TSHB: variants seen among roughly 807,000 people sequenced by gnomAD.
The protein encoded by TSHB is thyrotropin subunit beta.
A neutral mutation model predicts 9.3 loss-of-function variants in TSHB; 9 were observed. The ratio of observed to expected loss-of-function variants is 0.97; its 90% CI spans 0.58 to 1.69. TSHB has a LOEUF of 1.69. Ranked by LOEUF, TSHB falls within the 40% of genes most tolerant of loss-of-function variation. The pLI, the probability that TSHB is intolerant of heterozygous loss-of-function variation, is 0.00. For synonymous variants in TSHB, 57 were observed against 57.2 expected (o/e 1.00, Z 0.01); for missense variants, 182 against 168.5 (o/e 1.08, Z -0.44).
chr1:115,031,311 G>C (rs191396584), intron 1 of TSHB, among the ~76,000 whole-genome samples: 24 of 152,052 alleles, frequency 1.6e-4, no homozygotes, highest in Admixed American at 1.4e-3. Context: ...AAAAAATATA[G>C]AGTATCCATA....
intron 1 of TSHB, among the ~76,000 whole-genome samples, chr1:115,032,289 A>T (rs1253953738): frequency 6.6e-6 from 1 of 151,960 alleles, no homozygotes; most frequent in Non-Finnish European, 1.5e-5. Context: ...GGTTTCTTAT[A>T]AGTTGATTGA....
In TSHB at chr1:115,033,975, T is replaced by A; in HGVS notation, c.165T>A (p.Asp55Glu). 6.2e-7 allele frequency: 1 copy of A among 1,613,450 alleles called. No individual in the cohort carries two copies. The highest frequency in any genetic ancestry group is 8.5e-7 in the Non-Finnish European group (1 of 1,179,676). Residue 55 changes from aspartate (D) to glutamate (E), a missense_variant and splice_region_variant, in exon 3 of 3, where the codon GAT (aspartate) becomes GAA (glutamate). Coordinates refer to ENST00000256592, the MANE Select transcript of TSHB (RefSeq NM_000549.5). ...TICAGYCMTR[D>E]INGKLFLPKY... ...TCTCTTTTCTGTTCTTTCCCCAGGATATCAATGGCAAACTGTTTCTTCCCA... is the reference window on the plus strand; with the variant it reads ...TCTCTTTTCTGTTCTTTCCCCAGGAAATCAATGGCAAACTGTTTCTTCCCA...
At chr1:115,033,745 T>G (rs1412628155) in intron 2 of TSHB, among the ~76,000 whole-genome samples, 1 of 152,144 alleles carries the variant, frequency 6.6e-6, no homozygotes, top group Non-Finnish European at 1.5e-5. Context: ...CAGCTTTACT[T>G]AAACCTTATC....
At chr1:115,033,627 C>A (rs2101008798) in intron 2 of TSHB, 103 bp downstream of exon 2, 1 of 1,123,018 alleles carries the variant, frequency 8.9e-7, no homozygotes, top group East Asian at 2.3e-5. Context: ...CCTCATTTCC[C>A]AAATCTAATG....
At chr1:115,030,802 TTAAC>T (rs1674879156) in intron 1 of TSHB, among the ~76,000 whole-genome samples, 1 of 152,004 alleles carries the variant, frequency 6.6e-6, no homozygotes, top group South Asian at 2.1e-4. Flanking sequence ...GAGGAAGGGA[TTAAC>T]TAACGCGGAT....
chr1:115,032,117 C>T (rs1157494859), intron 1 of TSHB, among the ~76,000 whole-genome samples: 4 of 151,994 alleles, frequency 2.6e-5, no homozygotes, highest in South Asian at 4.1e-4. Context: ...GTAGCTTTTC[C>T]GTTTGTGTTT....
rs565673483 is a variant in TSHB at position 115,030,717 on chromosome 1, G to T, written c.-2+857G>T. Among the ~76,000 whole-genome samples, 11 of 152,128 alleles carry T rather than the reference G, an allele frequency of 7.2e-5. No homozygotes were observed. The East Asian group carries it at 2.1e-3, about 29-fold the overall frequency. ...AGGTACCCAACAAATTATTCATGGT[G>T]ATTTCAGAATAAGCAATTAAGTGGC... On this transcript the variant is annotated intron_variant, in intron 1 of 2. Coordinates refer to ENST00000256592, the MANE Select transcript of TSHB (RefSeq NM_000549.5).
chr1:115,033,610 A>G, intron 2 of TSHB, 86 bp downstream of exon 2: 2 of 1,261,248 alleles, frequency 1.6e-6, no homozygotes, highest in Non-Finnish European at 2.3e-6. Context: ...AATGAAATAA[A>G]TCACAACCTC....
Position 115,033,396 on chromosome 1 carries a change from G to A in TSHB, c.34G>A (p.Gly12Ser). 6.2e-7 allele frequency: 1 copy of A among 1,613,324 alleles called. No individual in the cohort carries two copies. Among genetic ancestry groups the A allele is most frequent in the South Asian group, 1.1e-5 (1 of 91,062 alleles). ...TCTCTTTCTGATGTCCATGCTTTTT[G>A]GCCTTACATGTGGGCAAGCGATGTC... ...TALFLMSMLF[G>S]LTCGQAMSFC... Residue 12 changes from glycine to serine, a missense_variant, in exon 2 of 3, where the codon GGC becomes AGC. Physicochemically the swap from Gly to Ser is moderately conservative, Grantham distance 56 (BLOSUM62 0). Transcript: ENST00000256592.
intron 2 of TSHB, 97 bp from the exon 3 acceptor site, chr1:115,033,876 A>G (rs1188190642): frequency 4.0e-6 from 6 of 1,509,718 alleles, no homozygotes; most frequent in Admixed American, 1.7e-5. Flanking sequence ...TGTATTTGTG[A>G]TGAAGGAATA....
At chr1:115,033,586 C>A (rs1674943404) in intron 2 of TSHB, 62 bp downstream of exon 2, 1 of 1,424,478 alleles carries the variant, frequency 7.0e-7, no homozygotes, top group Non-Finnish European at 9.9e-7. Context: ...AAGTCCATTC[C>A]TATATAGAAA....
At chr1:115,033,797 T>G in intron 2 of TSHB, 176 bp from the exon 3 acceptor site, 1 of 390,408 alleles carries the variant, frequency 2.6e-6, no homozygotes, top group Non-Finnish European at 3.5e-6. Flanking sequence ...GGGTCTCACT[T>G]TTGTCTCTGT....
chr1:115,033,481 T>A lies in TSHB; in HGVS notation c.119T>A (p.Leu40Gln), dbSNP rs1014248021. The A allele has an allele frequency of 6.2e-7, 1 of 1,613,404 alleles. No individual in the cohort carries two copies. Among genetic ancestry groups the A allele is most frequent in the African/African-American group, 1.3e-5 (1 of 75,008 alleles). The change falls in exon 2 of 3, where the codon CTA becomes CAA. Residue 40 changes from leucine (L) to glutamine (Q), a missense_variant. Transcript: ENST00000256592. ...GAAAGGAGAGAGTGTGCTTATTGCC[T>A]AACCATCAACACCACCATCTGTGCT... Reference protein sequence around the residue: ...HIERRECAYCLTINTTICAGY... With the variant: ...HIERRECAYCQTINTTICAGY...
In TSHB at chr1:115,033,389, G is replaced by A; in HGVS notation, c.27G>A (p.Met9Ile). ...TGACTGCTCTCTTTCTGATGTCCAT[G>A]CTTTTTGGCCTTACATGTGGGCAAG... is the stretch of plus-strand genomic sequence containing the variant. MTALFLMS[M>I]LFGLTCGQAM... is the part of the protein sequence containing the mutation. The change falls in exon 2 of 3, where the codon ATG becomes ATA. Residue 9 changes from methionine (M) to isoleucine (I), a missense_variant. Met to Ile is a conservative substitution (Grantham distance 10). Transcript: ENST00000256592. 6.2e-7 allele frequency: 1 copy of A among 1,613,422 alleles called. No homozygotes were observed. The highest frequency in any genetic ancestry group is 8.5e-7 in the Non-Finnish European group (1 of 1,179,476).
intron 1 of TSHB, among the ~76,000 whole-genome samples, chr1:115,032,531 T>A (rs768996563): frequency 1.3e-5 from 2 of 151,986 alleles, no homozygotes; most frequent in Admixed American, 6.6e-5. Flanking sequence ...ATATTTTCTT[T>A]ACTGACAATG....
intron 1 of TSHB, among the ~76,000 whole-genome samples, chr1:115,032,787 A>C (rs1334901186): frequency 6.6e-6 from 1 of 152,038 alleles, no homozygotes; most frequent in Non-Finnish European, 1.5e-5. Flanking sequence ...TATCATATCC[A>C]ATATAACTAT....
Position 115,034,286 on chromosome 1 carries a change from T to C in TSHB, c.*59T>C. ...TTGCCTGAAATAAAGCTAATAAAAATATTATGTTTCACATTATCTTCTGTT... is the reference window on the plus strand; with the variant it reads ...TTGCCTGAAATAAAGCTAATAAAAACATTATGTTTCACATTATCTTCTGTT... On this transcript the variant is annotated 3_prime_UTR_variant, in exon 3 of 3. Transcript: ENST00000256592. The C allele has an allele frequency of 6.4e-7, 1 of 1,557,010 alleles. No individual in the cohort carries two copies. The highest frequency in any genetic ancestry group is 8.9e-7 in the Non-Finnish European group (1 of 1,129,304).
At position 115,033,552 on chromosome 1, in the gene TSHB, C is replaced by G. The variant is rs780156171; in HGVS notation, c.162+28C>G. ...ATGTAGTTCATGTCACTTCTTTTGG[C>G]TGTAAATTATATAAGCCCTGAAGAA... is the stretch of plus-strand genomic sequence containing the variant. On this transcript the variant is annotated intron_variant, in intron 2 of 2. Coordinates refer to ENST00000256592, the MANE Select transcript of TSHB (RefSeq NM_000549.5). 5.6e-6 allele frequency: 9 copies of G among 1,595,954 alleles called. No individual in the cohort carries two copies. The African/African-American group carries it at 1.2e-4, about 21-fold the overall frequency.
chr1:115,032,610 T>C (rs1674917426), intron 1 of TSHB, among the ~76,000 whole-genome samples: 1 of 151,916 alleles, frequency 6.6e-6, no homozygotes, highest in Admixed American at 6.6e-5. Flanking sequence ...TTAAAAAAAT[T>C]CTTCTTAATC....
Sources: allele counts gnomAD v4.1 joint callset (sites outside exome capture counted in the v4.1 genomes callset), GRCh38; gene constraint gnomAD v4.1.1; transcripts MANE v1.5; gene names NCBI Gene and HGNC (gene_info 2026-07-23, HGNC 2026-07-21).